Variants in BMPR2 observed in about 807,000 individuals in gnomAD.
BMPR2 encodes the protein bone morphogenetic protein receptor type-2.
Under a neutral mutation model 100.8 loss-of-function variants are expected in BMPR2, and 29 were observed. The observed-to-expected ratio is 0.29, with a 90% CI of 0.21 to 0.39. BMPR2 has a LOEUF of 0.39. BMPR2 is among the 10% of genes least tolerant of loss of function. BMPR2 has a pLI of 1.00. For missense variants in BMPR2, 1,011 were observed against 1,274.5 expected, an observed-to-expected ratio of 0.79 and a Z score of 3.15; for synonymous variants, 382 against 442.3, an observed-to-expected ratio of 0.86 and a Z score of 1.71.
At chr2:202,379,689 G>A (rs930618603) in intron 1 of BMPR2, among the ~76,000 whole-genome samples, 1 of 152,188 alleles carries the variant, frequency 6.6e-6, no homozygotes, top group South Asian at 2.1e-4. Context: ...ATGTTAACTC[G>A]ACAGGCGCAA....
chr2:202,531,930 A>AT (rs71035015), intron 8 of BMPR2, among the ~76,000 whole-genome samples: 6,053 of 52,008 alleles, frequency 0.12, 1,964 homozygotes, highest in Non-Finnish European at 0.15. Context: ...GCCCAGCTGT[A>AT]TTTTTTTTTT....
chr2:202,564,252 G>A lies in BMPR2; in HGVS notation c.*4306G>A, dbSNP rs908674550. 6.6e-6 allele frequency: 1 copy of A among 152,138 alleles called. No individual in the cohort carries two copies. The highest frequency in any genetic ancestry group is 1.5e-5 in the Non-Finnish European group (1 of 68,018). 9.4% of individuals were successfully genotyped at this position (152,138 alleles called of 1,614,324 possible). A position where few individuals can be genotyped will look rare whatever the true frequency, so the allele number is the denominator to read the frequency against. On this transcript the variant is annotated 3_prime_UTR_variant, in exon 13 of 13. Coordinates refer to ENST00000374580, the MANE Select transcript of BMPR2 (RefSeq NM_001204.7). The stretch of plus-strand genomic sequence containing the variant: ...GAGATCATTAACTCCTAGAATTTGA[G>A]ATTATATTTCCATACAACATTTTAT...
chr2:202,565,313 C>A lies in BMPR2; in HGVS notation c.*5367C>A, dbSNP rs532260230. On this transcript the variant is annotated 3_prime_UTR_variant, in exon 13 of 13. Coordinates refer to ENST00000374580, the MANE Select transcript of BMPR2 (RefSeq NM_001204.7). ...TTCAGACAAAATTGCTTAAGCTCTT[C>A]TCCTCAGTCCTATTTTAATGACTTT... 9.0e-4 allele frequency: 137 copies of A among 152,236 alleles called. 1 individual carries two copies. The highest frequency in any genetic ancestry group is 3.1e-3 in the African/African-American group (129 of 41,564). The allele number at this position is 152,236 out of a possible 1,614,324, so 9.4% of individuals were successfully genotyped here. A position where few individuals can be genotyped will look rare whatever the true frequency, so the allele number is the denominator to read the frequency against.
chr2:202,547,493 G>A (rs1411645803), intron 10 of BMPR2, among the ~76,000 whole-genome samples: 1 of 152,056 alleles, frequency 6.6e-6, no homozygotes, highest in Non-Finnish European at 1.5e-5. Flanking sequence ...CATAAAAGGT[G>A]GCAACTTAGC....
chr2:202,548,484 A>G (rs1003749304), intron 10 of BMPR2, among the ~76,000 whole-genome samples: 2 of 152,142 alleles, frequency 1.3e-5, no homozygotes, highest in Non-Finnish European at 2.9e-5. Flanking sequence ...CAAAGTTTAC[A>G]TCATTACATA....
At chr2:202,512,914 CTACCA>C (rs1175208099) in intron 3 of BMPR2, among the ~76,000 whole-genome samples, 3 of 151,500 alleles carry the variant, frequency 2.0e-5, no homozygotes, top group Non-Finnish European at 2.9e-5. Flanking sequence ...ATAAGTGTAA[CTACCA>C]TTTATTGCGT....
intron 1 of BMPR2, among the ~76,000 whole-genome samples, chr2:202,421,592 A>G (rs933311524): frequency 6.7e-6 from 1 of 150,338 alleles, no homozygotes; most frequent in African/African-American, 2.4e-5. Context: ...CAGTGAGCGG[A>G]CATTGTGCCA....
At chr2:202,387,299 T>G (rs922163727) in intron 1 of BMPR2, among the ~76,000 whole-genome samples, 2 of 152,234 alleles carry the variant, frequency 1.3e-5, no homozygotes, top group African/African-American at 4.8e-5. Context: ...ATTTCTCATC[T>G]TTAGTATAGT....
chr2:202,447,074 G>A (rs1304959480), intron 1 of BMPR2, among the ~76,000 whole-genome samples: 1 of 149,436 alleles, frequency 6.7e-6, no homozygotes, highest in African/African-American at 2.6e-5. Context: ...TTGGGAGGCC[G>A]AGGTGGGCGG....
chr2:202,386,607 C>A (rs965940525), intron 1 of BMPR2, among the ~76,000 whole-genome samples: 1 of 152,128 alleles, frequency 6.6e-6, no homozygotes, highest in Non-Finnish European at 1.5e-5. Flanking sequence ...TTTTACTAGA[C>A]TCTGTTTCCT....
chr2:202,414,617 A>G (rs200028702), intron 1 of BMPR2, among the ~76,000 whole-genome samples: 1 of 152,238 alleles, frequency 6.6e-6, no homozygotes, highest in African/African-American at 2.4e-5. Flanking sequence ...TACAGGAATG[A>G]TAAGAAAATT....
At position 202,561,580 on chromosome 2, in the gene BMPR2, G is replaced by T. The variant is rs1173206487; in HGVS notation, c.*1634G>T. On this transcript the variant is annotated 3_prime_UTR_variant, in exon 13 of 13. Transcript: ENST00000374580. ...TTTTTTTCGATTATCAGAGTACTTA[G>T]TAAATGTTATATAGTTTAGTTCTAA... The T allele has an allele frequency of 6.6e-6, 1 of 151,670 alleles. No homozygotes were observed. The highest frequency in any genetic ancestry group is 2.4e-5 in the African/African-American group (1 of 41,276). The allele number at this position is 151,670 out of a possible 1,614,324, so 9.4% of individuals were successfully genotyped here.
At chr2:202,492,513 A>G (rs879920478) in intron 3 of BMPR2, among the ~76,000 whole-genome samples, 10 of 151,940 alleles carry the variant, frequency 6.6e-5, no homozygotes, top group African/African-American at 2.4e-4. Flanking sequence ...CAGCCTGGCC[A>G]ACATAGCAAA....
chr2:202,392,519 T>C (rs1690570520), intron 1 of BMPR2, among the ~76,000 whole-genome samples: 1 of 152,206 alleles, frequency 6.6e-6, no homozygotes, highest in Admixed American at 6.5e-5. Flanking sequence ...AATATACTTC[T>C]GCGGACATGT....
intron 1 of BMPR2, among the ~76,000 whole-genome samples, chr2:202,455,787 C>A (rs949679466): frequency 1.3e-5 from 2 of 151,216 alleles, no homozygotes; most frequent in African/African-American, 4.9e-5. Context: ...GTAGTATTGC[C>A]AGGGGCGGTG....
intron 1 of BMPR2, among the ~76,000 whole-genome samples, chr2:202,407,186 G>T (rs1401907618): frequency 1.3e-5 from 2 of 151,648 alleles, no homozygotes; most frequent in Middle Eastern, 3.4e-3. Context: ...CAAATGATCC[G>T]CCTACCTTGG....
chr2:202,505,061 G>T, intron 3 of BMPR2: 1 of 174,822 alleles, frequency 5.7e-6, no homozygotes, highest in South Asian at 1.1e-4. Flanking sequence ...TACACGTTTG[G>T]CATGGATAAC....
intron 3 of BMPR2, among the ~76,000 whole-genome samples, chr2:202,483,877 A>G (rs1265957470): frequency 6.6e-6 from 1 of 152,232 alleles, no homozygotes; most frequent in African/African-American, 2.4e-5. Context: ...AAATCATTTG[A>G]TGCCAGGAAC....
At chr2:202,432,542 C>CTGGCACAAAATGCAAGTA (rs1691526714) in intron 1 of BMPR2, among the ~76,000 whole-genome samples, 1 of 150,472 alleles carries the variant, frequency 6.6e-6, no homozygotes, top group Admixed American at 6.6e-5. Flanking sequence ...AAAGAATCAT[C>CTGGCACAAAATGCAAGTA]TGGCACAAAA....
Sources: gnomAD v4.1 joint callset for allele counts (sites outside exome capture counted in the v4.1 genomes callset) on GRCh38, gnomAD v4.1.1 for gene constraint, MANE v1.5 for transcripts, NCBI Gene and HGNC (gene_info 2026-07-23, HGNC 2026-07-21) for gene names.